RYR2: variants seen among roughly 807,000 people sequenced by gnomAD.
The protein encoded by RYR2 is cardiac muscle ryanodine receptor-calcium release channel.
In RYR2, 227 loss-of-function variants were observed where a neutral mutation model predicts 601.1. The observed-to-expected ratio is 0.38, with a 90% confidence interval of 0.34 to 0.42. The LOEUF is 0.42. Ranked by LOEUF, RYR2 falls within the 10% of genes least tolerant of loss-of-function variation. RYR2 has a pLI of 1.00. For missense variants in RYR2, 4,646 were observed against 6,156.5 expected, an observed-to-expected ratio of 0.75 and a Z score of 8.21; for synonymous variants, 2,223 against 2,175.1, an observed-to-expected ratio of 1.02 and a Z score of -0.61.
chr1:237,688,044 C>T (rs1359810577), intron 63 of RYR2, among the ~76,000 whole-genome samples: 1 of 152,122 alleles, frequency 6.6e-6, no homozygotes, highest in Non-Finnish European at 1.5e-5. Flanking sequence ...GGGTCAGTTT[C>T]TGTTTGTTTC....
At chr1:237,278,273 T>TTTTTG (rs1690498875) in intron 2 of RYR2, among the ~76,000 whole-genome samples, 1 of 101,316 alleles carries the variant, frequency 9.9e-6, no homozygotes. Flanking sequence ...TTTTTTTTTG[T>TTTTTG]AGAGATAGGG....
intron 23 of RYR2, among the ~76,000 whole-genome samples, chr1:237,509,985 C>A (rs1466113394): frequency 6.6e-6 from 1 of 152,096 alleles, no homozygotes; most frequent in Non-Finnish European, 1.5e-5. Flanking sequence ...AGAAGCCAGG[C>A]CATGTATGCA....
Position 237,788,078 on chromosome 1 carries a change from A to G in RYR2, c.13419A>G (p.Pro4473=). 1 of 1,612,678 alleles carries G rather than the reference A, an allele frequency of 6.2e-7. No individual in the cohort carries two copies. The highest frequency in any genetic ancestry group is 8.5e-7 in the Non-Finnish European group (1 of 1,179,200). ...RQLHTHRYGE[P]EVPESAFWKK... ...TTCACACACACAGATACGGAGAACCAGAAGTGCCAGAGTCAGCATTCTGGA... is the reference window on the plus strand; with the variant it reads ...TTCACACACACAGATACGGAGAACCGGAAGTGCCAGAGTCAGCATTCTGGA... Residue 4473 remains proline (P), a synonymous_variant, in exon 92 of 105, where the codon CCA becomes CCG. Coordinates refer to ENST00000366574, the MANE Select transcript of RYR2 (RefSeq NM_001035.3).
intron 10 of RYR2, among the ~76,000 whole-genome samples, chr1:237,401,517 A>G (rs1167759863): frequency 6.6e-6 from 1 of 152,218 alleles, no homozygotes; most frequent in Non-Finnish European, 1.5e-5. Context: ...ACATCAGACC[A>G]GCTAAATGAA....
At chr1:237,717,127 G>C in intron 71 of RYR2, 71 bp from the exon 72 acceptor site, 1 of 1,369,766 alleles carries the variant, frequency 7.3e-7, no homozygotes, top group Non-Finnish European at 1.0e-6. Context: ...TGACAAGTTA[G>C]GGAAGAGTCA....
chr1:237,322,821 C>CATGT (rs1553401063), intron 2 of RYR2, among the ~76,000 whole-genome samples: 1 of 143,112 alleles, frequency 7.0e-6, no homozygotes, highest in African/African-American at 2.6e-5. Context: ...AACACACACA[C>CATGT]GTGTGTGTGT....
At chr1:237,337,889 A>G (rs548374480) in intron 3 of RYR2, among the ~76,000 whole-genome samples, 1 of 152,306 alleles carries the variant, frequency 6.6e-6, no homozygotes, top group East Asian at 1.9e-4. Flanking sequence ...AACAACATAC[A>G]TTTATTATTT....
chr1:237,249,683 C>G (rs1001822020), intron 1 of RYR2, among the ~76,000 whole-genome samples: 1 of 152,206 alleles, frequency 6.6e-6, no homozygotes, highest in Non-Finnish European at 1.5e-5. Context: ...TCTTTCCACT[C>G]TAGCATTGGC....
chr1:237,461,070 C>T (rs966739864), intron 16 of RYR2, among the ~76,000 whole-genome samples: 16 of 152,102 alleles, frequency 1.1e-4, no homozygotes, highest in Admixed American at 1.3e-4. Context: ...ATGGATTAGC[C>T]AATAGAGCAC....
At chr1:237,345,196 T>C (rs1054329366) in intron 3 of RYR2, among the ~76,000 whole-genome samples, 4 of 152,226 alleles carry the variant, frequency 2.6e-5, no homozygotes, top group African/African-American at 9.6e-5. Flanking sequence ...TGCCTTCCCA[T>C]ATAAATTTTA....
At chr1:237,618,067 G>A (rs140691407) in intron 38 of RYR2, among the ~76,000 whole-genome samples, 3,031 of 152,246 alleles carry the variant, frequency 0.02, 37 homozygotes, top group Middle Eastern at 0.037. Context: ...AGTTACTGGC[G>A]TAGGGATGGT....
At chr1:237,046,971 A>C (rs527875394) in intron 1 of RYR2, among the ~76,000 whole-genome samples, 3 of 152,310 alleles carry the variant, frequency 2.0e-5, no homozygotes, top group African/African-American at 7.2e-5. Flanking sequence ...CAGAAGGAAA[A>C]ATGCATAAAC....
chr1:237,498,940 T>G (rs1379331238), intron 20 of RYR2, among the ~76,000 whole-genome samples: 4 of 152,198 alleles, frequency 2.6e-5, no homozygotes, highest in Non-Finnish European at 4.4e-5. Flanking sequence ...CTTAAGCCAC[T>G]GGGAGTCTAT....
chr1:237,648,594 C>T lies in RYR2; in HGVS notation c.7493C>T (p.Ala2498Val), dbSNP rs374191985. 4.5e-5 allele frequency: 72 copies of T among 1,609,534 alleles called. No homozygotes were observed. The highest frequency in any genetic ancestry group is 5.7e-5 in the Non-Finnish European group (67 of 1,177,774). Reference sequence around the variant, plus strand: ...GTTGGCTTTCTGCCAGATCTCCGGGCGGCTGCTTCTTTAGATACGGTGAGA... The same window carrying T: ...GTTGGCTTTCTGCCAGATCTCCGGGTGGCTGCTTCTTTAGATACGGTGAGA... Reference protein sequence around the residue: ...LEVGFLPDLRAAASLDTAALS... With the variant: ...LEVGFLPDLRVAASLDTAALS... The change falls in exon 49 of 105, where the codon GCG (alanine) becomes GTG (valine). Residue 2498 changes from alanine (A) to valine (V), a missense_variant. Ala to Val is a moderately conservative substitution (Grantham distance 64, BLOSUM62 0). This residue lies in a region of RYR2 where 1,497 missense variants were observed against 1,842.6 expected (regional missense o/e 0.81). Transcript: ENST00000366574.
chr1:237,051,064 T>C (rs1390912756), intron 1 of RYR2, among the ~76,000 whole-genome samples: 1 of 152,206 alleles, frequency 6.6e-6, no homozygotes, highest in Non-Finnish European at 1.5e-5. Flanking sequence ...TTAAATTAGT[T>C]CATGTGTAGC....
At chr1:237,204,354 A>T (rs541858400) in intron 1 of RYR2, among the ~76,000 whole-genome samples, 55 of 152,194 alleles carry the variant, frequency 3.6e-4, no homozygotes, top group African/African-American at 1.2e-3. Context: ...TTTGATTCCC[A>T]TATCCTCTGT....
rs1663969208 is a variant in RYR2, at chr1:237,832,939, T to G, written c.*292T>G. ...TAACACACATAGATAGATTTTCTTCTGAGACTCCCGGAGTCTTCTCGAGCT... is the reference window on the plus strand; with the variant it reads ...TAACACACATAGATAGATTTTCTTCGGAGACTCCCGGAGTCTTCTCGAGCT... On this transcript the variant is annotated 3_prime_UTR_variant, in exon 105 of 105. Transcript: ENST00000366574. 4.5e-6 allele frequency: 1 copy of G among 222,594 alleles called. No individual in the cohort carries two copies. The highest frequency in any genetic ancestry group is 5.5e-5 in the Admixed American group (1 of 18,292). The allele number at this position is 222,594 out of a possible 1,614,324, so 13.8% of individuals were successfully genotyped here. A position where few individuals can be genotyped will look rare whatever the true frequency, so the allele number is the denominator to read the frequency against.
chr1:237,300,425 A>G (rs1693234129), intron 2 of RYR2, among the ~76,000 whole-genome samples: 1 of 152,190 alleles, frequency 6.6e-6, no homozygotes, highest in Non-Finnish European at 1.5e-5. Flanking sequence ...ACTATACCGT[A>G]CTTCCTTTTG....
intron 75 of RYR2, among the ~76,000 whole-genome samples, chr1:237,726,672 A>T (rs562445240): frequency 9.9e-5 from 15 of 152,102 alleles, no homozygotes; most frequent in East Asian, 5.8e-4. Flanking sequence ...TGGACATATG[A>T]ATAAGAATGA....
Sources: gnomAD v4.1 joint callset for allele counts (sites outside exome capture counted in the v4.1 genomes callset) on GRCh38, gnomAD v4.1.1 for gene constraint, gnomAD v4.1.1 regional missense constraint, MANE v1.5 for transcripts, NCBI Gene and HGNC (gene_info 2026-07-23, HGNC 2026-07-21) for gene names.